PSMA1: variants seen among roughly 807,000 people sequenced by gnomAD.
The protein encoded by PSMA1 is proteasome subunit alpha type-1.
Under a neutral mutation model 38.4 loss-of-function variants are expected in PSMA1, and 3 were observed. The observed-to-expected ratio is 0.08, with a 90% CI of 0.04 to 0.20. The LOEUF (loss-of-function observed/expected upper bound fraction) is 0.20. Among genes scored for constraint, PSMA1 ranks in the 10% least tolerant of loss-of-function variants. The pLI is 1.00. For synonymous variants in PSMA1, 101 were observed against 107.1 expected, an observed-to-expected ratio of 0.94 and a Z score of 0.35; for missense variants, 227 against 325.3, an observed-to-expected ratio of 0.70 and a Z score of 2.32.
intron 1 of PSMA1, among the ~76,000 whole-genome samples, chr11:14,629,600 G>A (rs1202553744): frequency 6.6e-6 from 1 of 152,162 alleles, no homozygotes; most frequent in Non-Finnish European, 1.5e-5. Flanking sequence ...GTCAGGTAGT[G>A]TGATGCCTCC....
chr11:14,575,035 C>T (rs112086591), intron 2 of PSMA1, among the ~76,000 whole-genome samples: 1 of 152,052 alleles, frequency 6.6e-6, no homozygotes, highest in Non-Finnish European at 1.5e-5. Flanking sequence ...GGGCTTTGAC[C>T]AAAATGCTGA....
chr11:14,569,379 G>A (rs1256482118), intron 2 of PSMA1, among the ~76,000 whole-genome samples: 1 of 152,148 alleles, frequency 6.6e-6, no homozygotes, highest in Non-Finnish European at 1.5e-5. Context: ...AGTGAGTGCA[G>A]CCCACAGAGC....
At position 14,540,876 on chromosome 11, in the gene PSMA1, A is replaced by G. The variant is rs1184324353; in HGVS notation, c.22-21835T>C. Among the ~76,000 whole-genome samples the G allele has an allele frequency of 2.0e-5, 3 of 152,106 alleles. No individual in the cohort carries two copies. In the East Asian group the frequency reaches 5.8e-4, roughly 29 times the overall value. ...AAAAGAAAAAAAAGTTCCTGGTATG[A>G]AAAATGTTATAAAGTTAACACTTGG... On this transcript the variant is annotated intron_variant, in intron 2 of 10. Coordinates refer to the PSMA1 transcript ENST00000418988.
At chr11:14,513,738 T>C (rs74396304) in intron 6 of PSMA1, 39 bp from the exon 7 acceptor site, 2 of 1,550,274 alleles carry the variant, frequency 1.3e-6, no homozygotes, top group African/African-American at 2.8e-5. Flanking sequence ...ATTATTTACT[T>C]TGGTTGAACT....
rs77209030 is a variant in PSMA1, at chr11:14,538,391, G to C, written c.22-19350C>G. Among the ~76,000 whole-genome samples the C allele has an allele frequency of 1.6e-3, 248 of 152,294 alleles. 5 individuals carry two copies. The South Asian group carries it at 0.021, about 13-fold the overall frequency. Reference sequence around the variant, plus strand: ...ATGAAGTCTAAAATCAAAAAGAAAAGCTGCTTCTGGCATTCTAGGCCTTCC... The same window carrying C: ...ATGAAGTCTAAAATCAAAAAGAAAACCTGCTTCTGGCATTCTAGGCCTTCC... On this transcript the variant is annotated intron_variant, in intron 2 of 10. Coordinates refer to the PSMA1 transcript ENST00000418988.
chr11:14,618,834 G>A (rs1322281104), intron 1 of PSMA1, among the ~76,000 whole-genome samples: 3 of 152,202 alleles, frequency 2.0e-5, no homozygotes, highest in Non-Finnish European at 4.4e-5. Flanking sequence ...TCACATTTGT[G>A]TATGATTTTA....
At chr11:14,600,284 T>G (rs769101627) in intron 2 of PSMA1, among the ~76,000 whole-genome samples, 23 of 152,344 alleles carry the variant, frequency 1.5e-4, no homozygotes, top group Non-Finnish European at 2.4e-4. Flanking sequence ...TTCAGAGCTA[T>G]GAGACAGGGA....
intron 2 of PSMA1, among the ~76,000 whole-genome samples, chr11:14,543,490 C>T (rs757155880): frequency 6.6e-6 from 1 of 151,456 alleles, no homozygotes; most frequent in Non-Finnish European, 1.5e-5. Context: ...CAGAATTGTG[C>T]AACTATCACC....
chr11:14,617,910 G>T (rs554206016), intron 1 of PSMA1, among the ~76,000 whole-genome samples: 3 of 152,188 alleles, frequency 2.0e-5, no homozygotes, highest in African/African-American at 7.2e-5. Context: ...ATGGGCTTTG[G>T]TGTCAACCTG....
intron 2 of PSMA1, among the ~76,000 whole-genome samples, chr11:14,550,267 A>C (rs894887914): frequency 6.6e-6 from 1 of 152,246 alleles, no homozygotes; most frequent in South Asian, 2.1e-4. Context: ...CGTTTCAAAA[A>C]TACTGAAGGA....
At position 14,565,483 on chromosome 11, in the gene PSMA1, G is replaced by A. The variant is rs144230441; in HGVS notation, c.21+45483C>T. Among the ~76,000 whole-genome samples the A allele has an allele frequency of 3.9e-3, 588 of 152,128 alleles. 2 individuals are homozygous for A. Among genetic ancestry groups the A allele is most frequent in the African/African-American group, 0.014 (566 of 41,498 alleles). ...GAATGTGAGCTTAGATTATTGATCC[G>A]ATAATTTTCTTCTTTTCTTATATAT... On this transcript the variant is annotated intron_variant, in intron 2 of 10. Coordinates refer to the PSMA1 transcript ENST00000418988.
chr11:14,599,763 T>C (rs925062065), intron 2 of PSMA1, among the ~76,000 whole-genome samples: 1 of 152,216 alleles, frequency 6.6e-6, no homozygotes, highest in Non-Finnish European at 1.5e-5. Flanking sequence ...AGTCATTCTC[T>C]GCCCAGCTTT....
At chr11:14,522,229 G>A (rs189638147), upstream of PSMA1, among the ~76,000 whole-genome samples, 6 of 152,078 alleles carry the variant, frequency 3.9e-5, no homozygotes, top group South Asian at 1.0e-3. Context: ...TTCAATAGTC[G>A]CATAGTATTT....
chr11:14,641,507 G>A (rs1853200793), intron 1 of PSMA1, among the ~76,000 whole-genome samples: 1 of 152,106 alleles, frequency 6.6e-6, no homozygotes, highest in Admixed American at 6.6e-5. Flanking sequence ...ATGGTCTTTG[G>A]TCACGTCCTT....
At chr11:14,514,345 C>A (rs1851392935) in intron 5 of PSMA1, 58 bp downstream of exon 5, 1 of 1,517,558 alleles carries the variant, frequency 6.6e-7, no homozygotes, top group Non-Finnish European at 8.8e-7. Flanking sequence ...TAATAATTAA[C>A]ACAAGTATCA....
chr11:14,514,504 C>CA lies in PSMA1; in HGVS notation c.255-14dup. 3 of 1,524,660 alleles carry CA rather than the reference C, an allele frequency of 2.0e-6. No individual in the cohort carries two copies. The highest frequency in any genetic ancestry group is 2.6e-6 in the Non-Finnish European group (3 of 1,138,452). 94.4% of individuals were successfully genotyped at this position (1,524,660 alleles called of 1,614,324 possible). A position where few individuals can be genotyped will look rare whatever the true frequency, so the allele number is the denominator to read the frequency against. ...ACGCATAAAATTACTAAAAAAGAAACAAAAAAAGTTTAGTAATTTCAAATT... is the reference window on the plus strand; with the variant it reads ...ACGCATAAAATTACTAAAAAAGAAACAAAAAAAAGTTTAGTAATTTCAAATT... On this transcript the variant is annotated splice_polypyrimidine_tract_variant and intron_variant, in intron 4 of 9. Transcript: ENST00000396394.
chr11:14,557,793 C>T (rs1851957441), intron 2 of PSMA1, among the ~76,000 whole-genome samples: 1 of 152,092 alleles, frequency 6.6e-6, no homozygotes, highest in Non-Finnish European at 1.5e-5. Flanking sequence ...AGTCATTTGA[C>T]AATAGTATGT....
intron 2 of PSMA1, among the ~76,000 whole-genome samples, chr11:14,581,526 C>A (rs541733665): frequency 6.6e-6 from 1 of 152,138 alleles, no homozygotes; most frequent in South Asian, 2.1e-4. Flanking sequence ...TAAGAGTGAT[C>A]AGTAAGTGTT....
intron 1 of PSMA1, among the ~76,000 whole-genome samples, chr11:14,519,652 T>C (rs1269522755): frequency 6.6e-6 from 1 of 152,152 alleles, no homozygotes; most frequent in African/African-American, 2.4e-5. Context: ...GATAGAACCA[T>C]TACGGCTATT....
Sources: allele counts gnomAD v4.1 joint callset (sites outside exome capture counted in the v4.1 genomes callset), GRCh38; gene constraint gnomAD v4.1.1; transcripts MANE v1.5; gene names NCBI Gene and HGNC (gene_info 2026-07-23, HGNC 2026-07-21).